The following PTPRF variants were observed in gnomAD, a reference collection of about 807,000 sequenced individuals.
PTPRF encodes the protein receptor-type tyrosine-protein phosphatase F.
A neutral mutation model predicts 201.8 loss-of-function variants in PTPRF; 59 were observed. The observed-to-expected ratio is 0.29, with a 90% confidence interval of 0.24 to 0.36. PTPRF has a LOEUF of 0.36. PTPRF is among the 10% of genes least tolerant of loss of function. PTPRF has a pLI of 1.00. For missense variants in PTPRF, 2,132 were observed against 2,690.5 expected (o/e 0.79, Z 4.59); for synonymous variants, 1,088 against 1,089.7 (o/e 1.00, Z 0.03).
In PTPRF at chr1:43,603,318, C is replaced by T. The variant is rs960639625; in HGVS notation, c.2341-98C>T. ...TTCCACAACCCCTGGCCTTGTGTGC[C>T]CCGGGGCTCCCCTCAGGCTAGGGTC... On this transcript the variant is annotated intron_variant, in intron 14 of 33. Transcript: ENST00000359947. This position sits in a 1 kb window ranked among gnomAD's most constrained non-coding sequence, Gnocchi z 5.8. The T allele has an allele frequency of 1.8e-6, 2 of 1,083,300 alleles. No individual in the cohort carries two copies. Among genetic ancestry groups the T allele is most frequent in the Admixed American group, 1.7e-5 (1 of 57,160 alleles). The allele number at this position is 1,083,300 out of a possible 1,614,324, so 67.1% of individuals were successfully genotyped here. A position where few individuals can be genotyped will look rare whatever the true frequency, so the allele number is the denominator to read the frequency against.
chr1:43,613,065 C>A, intron 22 of PTPRF: 1 of 356,224 alleles, frequency 2.8e-6, no homozygotes, highest in South Asian at 2.2e-5. Flanking sequence ...GCCTGACACC[C>A]TTCCTTCTGC....
rs190141342 is a variant in PTPRF, at chr1:43,542,722, G to A, written c.-45-2309G>A. ...CAGGCAGCTGCACTCCATGATGTCT[G>A]TACCCTCTGTGTCCGCCCACGTGAT... On this transcript the variant is annotated intron_variant, in intron 2 of 33. Transcript: ENST00000359947. The surrounding 1 kb of genome is among the most constrained non-coding windows in gnomAD (Gnocchi z 5.2). Among the ~76,000 whole-genome samples, 10 of 152,194 alleles carry A rather than the reference G, an allele frequency of 6.6e-5. No homozygotes were observed. Among genetic ancestry groups the A allele is most frequent in the Non-Finnish European group, 7.4e-5 (5 of 67,992 alleles).
chr1:43,593,596 C>T (rs1464803600), intron 11 of PTPRF, among the ~76,000 whole-genome samples: 5 of 106,122 alleles, frequency 4.7e-5, no homozygotes, highest in East Asian at 2.5e-4. Context: ...AGAAACATGG[C>T]GGTGTCTGAA....
In PTPRF at chr1:43,617,673, G is replaced by C. The variant is rs775501843; in HGVS notation, c.4196-63G>C. 78 of 1,600,420 alleles carry C rather than the reference G, an allele frequency of 4.9e-5. No homozygotes were observed. In the Middle Eastern group the frequency reaches 1.5e-3, roughly 31 times the overall value. ...TCCACGAGTCTCAGGGGTGCACTGA[G>C]GCATGGTGGGCTGGGCTGGGGACCC... On this transcript the variant is annotated intron_variant, in intron 24 of 33. Coordinates refer to ENST00000359947, the MANE Select transcript of PTPRF (RefSeq NM_002840.5).
At chr1:43,522,299 G>A (rs1246395669), upstream of PTPRF, among the ~76,000 whole-genome samples, 1 of 152,208 alleles carries the variant, frequency 6.6e-6, no homozygotes, top group Non-Finnish European at 1.5e-5. Context: ...GGCGTCAGAA[G>A]GGTGAGCCTA....
chr1:43,621,125 A>G lies in PTPRF; in HGVS notation c.5548A>G (p.Ile1850Val), dbSNP rs1010214181. ...SAGVGRTGVFITLSIVLERMR... is the reference protein window; with the variant it reads ...SAGVGRTGVFVTLSIVLERMR... ...TGGCGTGGGCCGCACCGGGGTGTTC[A>G]TCACTCTGAGCATCGTCCTGGAGCG... is the stretch of plus-strand genomic sequence containing the variant. Residue 1850 changes from isoleucine (I) to valine (V), a missense_variant, in exon 33 of 34, where the codon ATC (isoleucine) becomes GTC (valine). Ile to Val is a conservative substitution (Grantham distance 29). Coordinates refer to ENST00000359947, the MANE Select transcript of PTPRF (RefSeq NM_002840.5). 5.0e-6 allele frequency: 8 copies of G among 1,614,032 alleles called. No individual in the cohort carries two copies. The highest frequency in any genetic ancestry group is 6.8e-6 in the Non-Finnish European group (8 of 1,179,970).
At chr1:43,541,373 T>C (rs980303972) in intron 2 of PTPRF, among the ~76,000 whole-genome samples, 1 of 152,240 alleles carries the variant, frequency 6.6e-6, no homozygotes, top group African/African-American at 2.4e-5. Flanking sequence ...CCACAGAGGC[T>C]GGCAGGGTGG....
chr1:43,536,870 C>T (rs1431077133), intron 1 of PTPRF, among the ~76,000 whole-genome samples: 1 of 152,150 alleles, frequency 6.6e-6, no homozygotes, highest in Non-Finnish European at 1.5e-5. Flanking sequence ...GGATGGCCTT[C>T]AGTCGGTGAG....
intron 5 of PTPRF, among the ~76,000 whole-genome samples, chr1:43,555,070 T>A (rs897425465): frequency 3.9e-5 from 6 of 152,004 alleles, no homozygotes; most frequent in African/African-American, 1.5e-4. Context: ...CAGGCTGGTC[T>A]CAAACTCCTG....
rs777222498 is a variant in PTPRF at position 43,603,430 on chromosome 1, C to G, written c.2355C>G (p.Ser785Arg). The change falls in exon 15 of 34, where the codon AGC (serine) becomes AGG (arginine). Residue 785 changes from serine to arginine, a missense_variant. Ser to Arg is a moderately radical substitution (Grantham distance 110, BLOSUM62 -1). Coordinates refer to ENST00000359947, the MANE Select transcript of PTPRF (RefSeq NM_002840.5). This position sits in a 1 kb window ranked among gnomAD's most constrained non-coding sequence, Gnocchi z 5.8. ...TCCTCCCTCAGGAAACCACTATCAGCGGCCTGACCCCGGAGACCACCTACT... is the reference window on the plus strand; with the variant it reads ...TCCTCCCTCAGGAAACCACTATCAGGGGCCTGACCCCGGAGACCACCTACT... ...EESEDYETTI[S>R]GLTPETTYSV... is the part of the protein sequence containing the mutation. 6 of 1,614,070 alleles carry G rather than the reference C, an allele frequency of 3.7e-6. No individual in the cohort carries two copies. Among genetic ancestry groups the G allele is most frequent in the Non-Finnish European group, 4.2e-6 (5 of 1,179,960 alleles).
rs529616720 is a variant in PTPRF at position 43,553,020 on chromosome 1, C to T, written c.92-472C>T. Among the ~76,000 whole-genome samples the T allele has an allele frequency of 8.0e-4, 121 of 152,110 alleles. No individual in the cohort carries two copies. The highest frequency in any genetic ancestry group is 2.6e-3 in the African/African-American group (108 of 41,492). On this transcript the variant is annotated intron_variant, in intron 3 of 33. Transcript: ENST00000359947. The surrounding 1 kb of genome is among the most constrained non-coding windows in gnomAD (Gnocchi z 4.1). ...GAGTCTCGGTTCCTGGCCGGAGCCC[C>T]GGGGTGGATGGTGGTGCCATCACTG...
At chr1:43,612,788 C>G (rs750040120) in intron 22 of PTPRF, 8 of 1,365,838 alleles carry the variant, frequency 5.9e-6, no homozygotes, top group Middle Eastern at 4.2e-4. Flanking sequence ...CCCCAGTTGC[C>G]CGAATACCTC....
At chr1:43,605,697 G>A (rs1557836920) in intron 19 of PTPRF, 75 bp downstream of exon 19, 3 of 1,386,934 alleles carry the variant, frequency 2.2e-6, no homozygotes, top group African/African-American at 1.4e-5. Flanking sequence ...CCTGAGCACT[G>A]TCCCAGTGAC....
chr1:43,545,437 T>C (rs993658282), intron 3 of PTPRF, among the ~76,000 whole-genome samples: 1 of 152,116 alleles, frequency 6.6e-6, no homozygotes, highest in Non-Finnish European at 1.5e-5. Flanking sequence ...TGGATTCATG[T>C]GGTCATTGTG....
chr1:43,620,700 G>A, intron 31 of PTPRF, 121 bp downstream of exon 31: 6 of 1,529,038 alleles, frequency 3.9e-6, no homozygotes, highest in Non-Finnish European at 5.3e-6. Flanking sequence ...GTATTAGGGT[G>A]TGAGCACATC....
At chr1:43,589,128 C>G in intron 8 of PTPRF, 128 bp downstream of exon 8, 1 of 1,188,922 alleles carries the variant, frequency 8.4e-7, no homozygotes. Context: ...CCTGGGTGTC[C>G]CTGCCCTGGG....
rs1327523720 is a variant in PTPRF at position 43,619,554 on chromosome 1, C to T, written c.4913C>T (p.Ala1638Val). The change falls in exon 28 of 34, where the codon GCC (alanine) becomes GTC (valine). Residue 1638 changes from alanine to valine, a missense_variant. By Grantham distance (64) the Ala-to-Val change is moderately conservative (BLOSUM62 0). This residue lies in a region of PTPRF where 519 missense variants were observed against 659.5 expected (regional missense o/e 0.79). Transcript: ENST00000359947. The part of the protein sequence containing the change: ...GQVPPGESVT[A>V]MELEFKLLAS... ...GTGCCTCCAGGGGAGAGTGTGACCG[C>T]CATGGAGCTCGAGTTCAAGGTGGGG... 1.2e-6 allele frequency: 2 copies of T among 1,612,528 alleles called. No individual in the cohort carries two copies. Among genetic ancestry groups the T allele is most frequent in the South Asian group, 2.2e-5 (2 of 91,070 alleles).
At chr1:43,534,504 A>AGGAGAG (rs938993370) in intron 1 of PTPRF, among the ~76,000 whole-genome samples, 1 of 152,146 alleles carries the variant, frequency 6.6e-6, no homozygotes, top group African/African-American at 2.4e-5. Flanking sequence ...GTGGGAGTGA[A>AGGAGAG]GGAGAGGAAG....
chr1:43,564,550 A>G (rs1201221315), intron 5 of PTPRF, among the ~76,000 whole-genome samples: 4 of 152,080 alleles, frequency 2.6e-5, no homozygotes, highest in Admixed American at 6.5e-5. Context: ...GCCCCTCCAC[A>G]TGCACATGTA....
Sources: gnomAD v4.1 joint callset for allele counts (sites outside exome capture counted in the v4.1 genomes callset) on GRCh38, gnomAD v4.1.1 for gene constraint, gnomAD v4.1.1 regional missense constraint, Gnocchi (gnomAD v3.1) non-coding constraint, MANE v1.5 for transcripts, NCBI Gene and HGNC (gene_info 2026-07-23, HGNC 2026-07-21) for gene names.